Variants in CACNB4 observed in about 807,000 individuals in gnomAD.
The protein encoded by CACNB4 is calcium voltage-gated channel auxiliary subunit beta 4, also known as voltage-dependent L-type calcium channel subunit beta-4.
A neutral mutation model predicts 71.2 loss-of-function variants in CACNB4; 32 were observed. That is an observed-to-expected ratio of 0.45 (90% confidence interval 0.34 to 0.60). The LOEUF (loss-of-function observed/expected upper bound fraction) is 0.60. Among genes scored for constraint, CACNB4 ranks in the 20% least tolerant of loss-of-function variants. CACNB4 has a pLI of 0.01. For synonymous variants in CACNB4, 231 were observed against 236.9 expected, an observed-to-expected ratio of 0.97 and a Z score of 0.23; for missense variants, 464 against 647.9, an observed-to-expected ratio of 0.72 and a Z score of 3.08.
At chr2:151,938,058 C>T (rs1190315031) in intron 2 of CACNB4, among the ~76,000 whole-genome samples, 1 of 152,196 alleles carries the variant, frequency 6.6e-6, no homozygotes, top group African/African-American at 2.4e-5. Context: ...ACATAATAAG[C>T]TAGACACCCT....
At chr2:152,042,710 T>C (rs1684939173) in intron 2 of CACNB4, among the ~76,000 whole-genome samples, 1 of 152,118 alleles carries the variant, frequency 6.6e-6, no homozygotes, top group African/African-American at 2.4e-5. Context: ...TTTTTAGAGA[T>C]GTTTTCAGAC....
chr2:152,065,617 C>G (rs1303586636), intron 2 of CACNB4, among the ~76,000 whole-genome samples: 1 of 152,168 alleles, frequency 6.6e-6, no homozygotes, highest in East Asian at 1.9e-4. Flanking sequence ...TTTAACTTTC[C>G]TACATTCTAC....
chr2:151,900,014 T>G (rs2099852987), intron 2 of CACNB4, among the ~76,000 whole-genome samples: 2 of 152,136 alleles, frequency 1.3e-5, no homozygotes, highest in South Asian at 2.1e-4. Flanking sequence ...AATTCTGTTT[T>G]GGGGGAACAG....
At chr2:151,860,265 C>T (rs2099841307) in intron 10 of CACNB4, 1 of 188,344 alleles carries the variant, frequency 5.3e-6, no homozygotes, top group Non-Finnish European at 1.1e-5. Flanking sequence ...AAAGTCCCTG[C>T]ATGTTACTAA....
chr2:151,992,028 T>A (rs912873427), intron 2 of CACNB4, among the ~76,000 whole-genome samples: 1 of 152,218 alleles, frequency 6.6e-6, no homozygotes, highest in Non-Finnish European at 1.5e-5. Flanking sequence ...CTCTCCAGAA[T>A]GGCCCCCCTG....
chr2:152,058,497 T>C lies in CACNB4; in HGVS notation c.147+39833A>G, dbSNP rs371656257. Reference sequence around the variant, plus strand: ...GTCTCACATGAAGATGAAGAATTTATTGGGAGCTAGAGCAAAGGTAACTCT... The same window carrying C: ...GTCTCACATGAAGATGAAGAATTTACTGGGAGCTAGAGCAAAGGTAACTCT... On this transcript the variant is annotated intron_variant, in intron 2 of 13. Transcript: ENST00000539935. Among the ~76,000 whole-genome samples, 12 of 152,322 alleles carry C rather than the reference T, an allele frequency of 7.9e-5. No homozygotes were observed. In the South Asian group the frequency reaches 1.2e-3, roughly 16 times the overall value.
chr2:152,025,808 G>A (rs1683930770), intron 2 of CACNB4, among the ~76,000 whole-genome samples: 1 of 152,236 alleles, frequency 6.6e-6, no homozygotes, highest in Admixed American at 6.5e-5. Flanking sequence ...CGTTGTCTCA[G>A]AAGTCACAGT....
chr2:151,899,942 A>C (rs1420844012), intron 2 of CACNB4, among the ~76,000 whole-genome samples: 1 of 152,234 alleles, frequency 6.6e-6, no homozygotes, highest in Non-Finnish European at 1.5e-5. Context: ...GAGTACAAAA[A>C]GTACCATAAA....
rs117933687 is a variant in CACNB4 at position 152,055,402 on chromosome 2, T to C, written c.147+42928A>G. Among the ~76,000 whole-genome samples, 620 of 152,348 alleles carry C rather than the reference T, an allele frequency of 4.1e-3. 10 individuals carry two copies. The East Asian group carries it at 0.045, about 11-fold the overall frequency. On this transcript the variant is annotated intron_variant, in intron 2 of 13. Transcript: ENST00000539935. ...TTATTCATTTTTTTCTTTGGTTACT[T>C]GTGCTTCAGTGCCATATCTTAAGAT...
At chr2:152,089,435 T>C (rs1345284064) in intron 2 of CACNB4, among the ~76,000 whole-genome samples, 2 of 152,138 alleles carry the variant, frequency 1.3e-5, no homozygotes, top group East Asian at 3.9e-4. Flanking sequence ...ACACACCGGA[T>C]TCAGTGGAAG....
chr2:152,080,225 G>A (rs919848486), intron 2 of CACNB4, among the ~76,000 whole-genome samples: 1 of 151,832 alleles, frequency 6.6e-6, no homozygotes, highest in Non-Finnish European at 1.5e-5. Flanking sequence ...GGGTTCAAGC[G>A]ATTCTCCTGC....
chr2:152,029,480 C>T (rs553480804), intron 2 of CACNB4, among the ~76,000 whole-genome samples: 5 of 121,568 alleles, frequency 4.1e-5, no homozygotes, highest in South Asian at 5.5e-4. Context: ...GGCAACAGAG[C>T]GAGACTCGAT....
chr2:151,890,687 A>C (rs1366102538), intron 2 of CACNB4, among the ~76,000 whole-genome samples: 1 of 152,238 alleles, frequency 6.6e-6, no homozygotes, highest in African/African-American at 2.4e-5. Context: ...TATTAATCAA[A>C]TACCAGAATC....
At chr2:151,873,130 T>C (rs2099845062) in intron 5 of CACNB4, 1 of 152,184 alleles carries the variant, frequency 6.6e-6, no homozygotes, top group African/African-American at 2.4e-5. Context: ...AATAATTCAG[T>C]TATTTTATTC....
intron 2 of CACNB4, among the ~76,000 whole-genome samples, chr2:151,986,623 C>T (rs982554126): frequency 9.9e-5 from 15 of 152,042 alleles, no homozygotes; most frequent in African/African-American, 3.1e-4. Flanking sequence ...AGGAAGTACC[C>T]TTGATTTACT....
chr2:152,004,880 G>A (rs928382840), intron 2 of CACNB4, among the ~76,000 whole-genome samples: 38 of 152,094 alleles, frequency 2.5e-4, no homozygotes, highest in Non-Finnish European at 4.4e-4. Flanking sequence ...GGCGTTTCTT[G>A]TCTGTTTCTC....
chr2:152,073,182 T>G (rs975441663), intron 2 of CACNB4, among the ~76,000 whole-genome samples: 11 of 152,180 alleles, frequency 7.2e-5, no homozygotes, highest in African/African-American at 2.7e-4. Flanking sequence ...ACTTGTGCAG[T>G]TGGCAGAGAG....
chr2:151,946,825 A>G (rs909088639), intron 2 of CACNB4, among the ~76,000 whole-genome samples: 65 of 152,302 alleles, frequency 4.3e-4, no homozygotes, highest in Admixed American at 7.2e-4. Flanking sequence ...TTTCATACAA[A>G]TTTCAGTGAT....
At chr2:152,001,937 T>C (rs932126780) in intron 2 of CACNB4, among the ~76,000 whole-genome samples, 1 of 152,192 alleles carries the variant, frequency 6.6e-6, no homozygotes, top group African/African-American at 2.4e-5. Context: ...GTAGTCATTT[T>C]AGAAAGCTGG....
Sources: allele counts gnomAD v4.1 joint callset (sites outside exome capture counted in the v4.1 genomes callset), GRCh38; gene constraint gnomAD v4.1.1; transcripts MANE v1.5; gene names NCBI Gene and HGNC (gene_info 2026-07-23, HGNC 2026-07-21).